Variants in NOTCH3 observed in about 807,000 individuals in gnomAD.
NOTCH3 encodes notch receptor 3.
A neutral mutation model predicts 213.3 loss-of-function variants in NOTCH3; 86 were observed. The ratio of observed to expected loss-of-function variants is 0.40; its 90% CI spans 0.34 to 0.48. The LOEUF (loss-of-function observed/expected upper bound fraction) is 0.48, where lower values mean the gene tolerates loss of function less well. Among genes scored for constraint, NOTCH3 ranks in the 20% least tolerant of loss-of-function variants. The pLI is 0.57. For missense variants in NOTCH3, 2,783 were observed against 3,272.6 expected, an observed-to-expected ratio of 0.85 and a Z score of 3.65; for synonymous variants, 1,354 against 1,355.9, an observed-to-expected ratio of 1.00 and a Z score of 0.03.
At position 15,181,714 on chromosome 19, in the gene NOTCH3, G is replaced by T; in HGVS notation, c.2654C>A (p.Ala885Asp). The T allele has an allele frequency of 6.4e-7, 1 of 1,569,112 alleles. No homozygotes were observed. Among genetic ancestry groups the T allele is most frequent in the Non-Finnish European group, 8.6e-7 (1 of 1,156,540 alleles). ...CLPGFAGPRCARDVDECLSNP... is the reference protein window; with the variant it reads ...CLPGFAGPRCDRDVDECLSNP... ...GCTCAGGCACTCATCCACATCGCGG[G>T]CGCATCGTGGGCCGGCGAAACCAGG... is the stretch of plus-strand genomic sequence containing the variant. Residue 885 changes from alanine (A) to aspartate (D), a missense_variant, in exon 17 of 33, where the codon GCC becomes GAC. By Grantham distance (126) the Ala-to-Asp change is moderately radical (BLOSUM62 -2). Around this residue, in one of 6 missense-constraint regions of NOTCH3, gnomAD observed 861 missense variants for 909.1 expected, o/e 0.95. Coordinates refer to ENST00000263388, the MANE Select transcript of NOTCH3 (RefSeq NM_000435.3).
chr19:15,160,246 T>G lies in NOTCH3; in HGVS notation c.*416A>C, dbSNP rs1216174436. The G allele has an allele frequency of 1.2e-5, 3 of 242,594 alleles. No individual in the cohort carries two copies. The highest frequency in any genetic ancestry group is 2.4e-5 in the Non-Finnish European group (3 of 124,786). 15.0% of individuals were successfully genotyped at this position (242,594 alleles called of 1,614,324 possible). ...GGGGGAGGGAGCATCTCCATATATA[T>G]ATTTTGTAAAAAATAATAATAATAA... On this transcript the variant is annotated 3_prime_UTR_variant, in exon 33 of 33. Transcript: ENST00000263388.
In NOTCH3 at chr19:15,185,773, C is replaced by G; in HGVS notation, c.1952-94G>C. The G allele has an allele frequency of 3.4e-6, 4 of 1,183,746 alleles. No individual in the cohort carries two copies. The highest frequency in any genetic ancestry group is 4.9e-6 in the Non-Finnish European group (4 of 810,718). 73.3% of individuals were successfully genotyped at this position (1,183,746 alleles called of 1,614,324 possible). The stretch of plus-strand genomic sequence containing the variant: ...ACCCCACTTAGCACACCCACACCCC[C>G]GAGCAATGACCTCTTTTTCATAACG... On this transcript the variant is annotated intron_variant, in intron 12 of 32. Coordinates refer to ENST00000263388, the MANE Select transcript of NOTCH3 (RefSeq NM_000435.3). This position sits in a 1 kb window ranked among gnomAD's most constrained non-coding sequence, Gnocchi z 4.2.
chr19:15,168,787 TC>T (rs1200855060), intron 28 of NOTCH3, among the ~76,000 whole-genome samples: 1 of 151,976 alleles, frequency 6.6e-6, no homozygotes, highest in Non-Finnish European at 1.5e-5. Context: ...TGAGCCAAGA[TC>T]ACGCCACTGC....
At chr19:15,198,988 G>A (rs570455660) in intron 1 of NOTCH3, among the ~76,000 whole-genome samples, 1 of 152,206 alleles carries the variant, frequency 6.6e-6, no homozygotes, top group East Asian at 1.9e-4. Flanking sequence ...AGCTGAACCT[G>A]AGCATGGGCC....
At chr19:15,180,024 C>A in intron 20 of NOTCH3, 48 bp downstream of exon 20, 1 of 1,349,168 alleles carries the variant, frequency 7.4e-7, no homozygotes, top group Non-Finnish European at 1.1e-6. Flanking sequence ...CCAGACGCAC[C>A]CAAGCATGCC....
intron 24 of NOTCH3, among the ~76,000 whole-genome samples, chr19:15,176,388 C>G (rs1421749465): frequency 6.6e-6 from 1 of 151,962 alleles, no homozygotes; most frequent in African/African-American, 2.4e-5. Context: ...AGCTCAAACT[C>G]CTGACCTCAG....
At position 15,160,867 on chromosome 19, in the gene NOTCH3, T is replaced by A. The variant is rs1568344939; in HGVS notation, c.6761A>T (p.His2254Leu). 2 of 1,613,410 alleles carry A rather than the reference T, an allele frequency of 1.2e-6. No homozygotes were observed. The highest frequency in any genetic ancestry group is 1.7e-6 in the Non-Finnish European group (2 of 1,179,774). ...YLTPSPESPE[H>L]WASPSPPSLS... is the part of the protein sequence containing the mutation. Reference sequence around the variant, plus strand: ...GGAGGGAGGTGAGGGGCTGGCCCAGTGCTCAGGGGATTCGGGGGATGGGGT... The same window carrying A: ...GGAGGGAGGTGAGGGGCTGGCCCAGAGCTCAGGGGATTCGGGGGATGGGGT... The change falls in exon 33 of 33, where the codon CAC (histidine) becomes CTC (leucine). Residue 2254 changes from histidine to leucine, a missense_variant. Physicochemically the swap from His to Leu is moderately conservative, Grantham distance 99 (BLOSUM62 -3). This residue lies in a region of NOTCH3 where 441 missense variants were observed against 432.1 expected (regional missense o/e 1.02). Transcript: ENST00000263388.
intron 31 of NOTCH3, among the ~76,000 whole-genome samples, chr19:15,163,066 G>A (rs1013479476): frequency 1.3e-5 from 2 of 152,066 alleles, no homozygotes; most frequent in African/African-American, 4.8e-5. Context: ...ACCATGCCCA[G>A]CTGATTTTTT....
Position 15,174,310 on chromosome 19 carries a change from C to A in NOTCH3, c.4494G>T (p.Leu1498=). Residue 1498 remains leucine (L), a synonymous_variant, in exon 25 of 33, where the codon CTG becomes CTT. Coordinates refer to ENST00000263388, the MANE Select transcript of NOTCH3 (RefSeq NM_000435.3). ...GGGCCGGCACCTCGCTGGCACAATC[C>A]AGCCCATCCCAGCCGCACTCCTCCG... ...CNTEECGWDG[L]DCASEVPALL... 2 of 1,553,652 alleles carry A rather than the reference C, an allele frequency of 1.3e-6. No individual in the cohort carries two copies. The highest frequency in any genetic ancestry group is 1.7e-6 in the Non-Finnish European group (2 of 1,149,658).
At chr19:15,197,696 C>T (rs2046980029) in intron 1 of NOTCH3, 118 bp from the exon 2 acceptor site, 2 of 782,400 alleles carry the variant, frequency 2.6e-6, no homozygotes, top group East Asian at 2.9e-5. Context: ...GGGGGCGTCT[C>T]TGCGGGTGCA....
intron 2 of NOTCH3, among the ~76,000 whole-genome samples, chr19:15,193,595 T>C (rs971229607): frequency 6.6e-6 from 1 of 151,548 alleles, no homozygotes. Context: ...AGGGAGACTT[T>C]TTTTCCACAA....
chr19:15,164,929 C>T (rs1664365688), intron 31 of NOTCH3, among the ~76,000 whole-genome samples: 1 of 152,042 alleles, frequency 6.6e-6, no homozygotes, highest in Non-Finnish European at 1.5e-5. Flanking sequence ...CACAGGTATG[C>T]ACCACCGCAC....
In NOTCH3 at chr19:15,200,964, G is replaced by T. The variant is rs2047008566; in HGVS notation, c.-59C>A. On this transcript the variant is annotated 5_prime_UTR_variant, in exon 1 of 33. Coordinates refer to ENST00000263388, the MANE Select transcript of NOTCH3 (RefSeq NM_000435.3). ...TTCCCTGGGCTCCGGGCGCGTCCCG[G>T]GCCAGCCTCCGCGCCGCCAACTTCG... The T allele has an allele frequency of 9.1e-6, 2 of 220,472 alleles. No homozygotes were observed. Among genetic ancestry groups the T allele is most frequent in the Non-Finnish European group, 1.7e-5 (2 of 116,952 alleles). 13.7% of individuals were successfully genotyped at this position (220,472 alleles called of 1,614,324 possible). A position where few individuals can be genotyped will look rare whatever the true frequency, so the allele number is the denominator to read the frequency against.
intron 2 of NOTCH3, among the ~76,000 whole-genome samples, chr19:15,194,894 C>A (rs1265372341): frequency 6.7e-6 from 1 of 149,154 alleles, no homozygotes; most frequent in Non-Finnish European, 1.5e-5. Flanking sequence ...GAGATAGAGG[C>A]TGCAGTGAGC....
At chr19:15,193,816 G>A (rs1028070601) in intron 2 of NOTCH3, among the ~76,000 whole-genome samples, 13 of 145,936 alleles carry the variant, frequency 8.9e-5, no homozygotes, top group Non-Finnish European at 1.5e-5. Flanking sequence ...AGGCGCAGTG[G>A]CTCATGCCTG....
At chr19:15,187,735 C>A (rs972145691) in intron 10 of NOTCH3, 146 bp downstream of exon 10, 7 of 718,544 alleles carry the variant, frequency 9.7e-6, no homozygotes, top group Non-Finnish European at 1.8e-5. Flanking sequence ...AGTCTATATG[C>A]ATTATTGGCT....
intron 10 of NOTCH3, 23 bp from the exon 11 acceptor site, chr19:15,187,361 C>T (rs1252323370): frequency 1.2e-6 from 2 of 1,604,606 alleles, no homozygotes; most frequent in East Asian, 4.5e-5. Context: ...GAGGGTCAGG[C>T]TCCGCCCACT....
In NOTCH3 at chr19:15,161,004, G is replaced by C. The variant is rs146679327; in HGVS notation, c.6624C>G (p.Pro2208=). ...PGTPVSPQER[P]PPYLAVPGHG... is the part of the protein sequence containing the mutation. ...GTCCTGGGACTGCCAGGTAAGGCGG[G>C]GGCCGCTCCTGCGGGGAGACGGGGG... The change falls in exon 33 of 33, where the codon CCC becomes CCG. Residue 2208 remains proline (P), a synonymous_variant. Coordinates refer to ENST00000263388, the MANE Select transcript of NOTCH3 (RefSeq NM_000435.3). 5 of 1,547,788 alleles carry C rather than the reference G, an allele frequency of 3.2e-6. No homozygotes were observed. The African/African-American group carries it at 6.8e-5, about 21-fold the overall frequency.
rs1599364228 is a variant in NOTCH3 at position 15,165,256 on chromosome 19, T to C, written c.5815+112A>G. 6.2e-6 allele frequency: 7 copies of C among 1,127,126 alleles called. No homozygotes were observed. Among genetic ancestry groups the C allele is most frequent in the Middle Eastern group, 3.9e-4 (2 of 5,172 alleles). The allele number at this position is 1,127,126 out of a possible 1,614,324, so 69.8% of individuals were successfully genotyped here. A position where few individuals can be genotyped will look rare whatever the true frequency, so the allele number is the denominator to read the frequency against. On this transcript the variant is annotated intron_variant, in intron 31 of 32. Coordinates refer to ENST00000263388, the MANE Select transcript of NOTCH3 (RefSeq NM_000435.3). This position sits in a 1 kb window ranked among gnomAD's most constrained non-coding sequence, Gnocchi z 4.7. ...AGGCTTCATGAAGCCTGGTTATGTG[T>C]GCGTGAGCTTCAGTGATTGGGTCTC...
Sources: allele counts gnomAD v4.1 joint callset (sites outside exome capture counted in the v4.1 genomes callset), GRCh38; gene constraint gnomAD v4.1.1; regional missense constraint gnomAD v4.1.1; non-coding constraint Gnocchi (gnomAD v3.1); transcripts MANE v1.5; gene names NCBI Gene and HGNC (gene_info 2026-07-23, HGNC 2026-07-21).